The following ADGRV1 variants were observed in gnomAD, a reference collection of about 807,000 sequenced individuals.
ADGRV1 encodes G-protein coupled receptor 98.
ADGRV1 carries 359 observed loss-of-function variants against 596.2 expected under a neutral mutation model. That is an observed-to-expected ratio of 0.60 (90% confidence interval 0.55 to 0.66). ADGRV1 has a LOEUF of 0.66. ADGRV1 is among the 30% of genes least tolerant of loss of function. The probability of loss-of-function intolerance (pLI) is 0.00; values close to 1 mark genes in which losing one functional copy is unlikely to be tolerated. For missense variants in ADGRV1, 7,274 were observed against 7,575.6 expected (o/e 0.96, Z 1.48); for synonymous variants, 2,681 against 2,679.2 (o/e 1.00, Z -0.02).
At chr5:91,120,937 G>A (rs1293081690) in intron 87 of ADGRV1, among the ~76,000 whole-genome samples, 1 of 152,208 alleles carries the variant, frequency 6.6e-6, no homozygotes, top group Non-Finnish European at 1.5e-5. Flanking sequence ...ACTTTGGGAG[G>A]CCAAGGTGGG....
chr5:90,985,638 G>T, intron 85 of ADGRV1, 116 bp downstream of exon 85: 1 of 711,572 alleles, frequency 1.4e-6, no homozygotes, highest in Non-Finnish European at 2.3e-6. Context: ...CTGCCACAGT[G>T]TCTGAAGCTC....
intron 83 of ADGRV1, among the ~76,000 whole-genome samples, chr5:90,912,126 TTTA>T (rs1282359996): frequency 6.6e-6 from 1 of 152,088 alleles, no homozygotes; most frequent in Non-Finnish European, 1.5e-5. Flanking sequence ...ATGAGCTGTT[TTTA>T]TTATCAGTAT....
At chr5:90,789,410 T>C (rs1280522299) in intron 68 of ADGRV1, among the ~76,000 whole-genome samples, 1 of 152,142 alleles carries the variant, frequency 6.6e-6, no homozygotes, top group Non-Finnish European at 1.5e-5. Context: ...AAATATGAGA[T>C]GAATAAAGCG....
intron 83 of ADGRV1, among the ~76,000 whole-genome samples, chr5:90,917,567 A>G (rs1206043412): frequency 6.6e-6 from 1 of 152,240 alleles, no homozygotes; most frequent in African/African-American, 2.4e-5. Flanking sequence ...ACATTCTTCA[A>G]GCTTATATCA....
chr5:91,116,984 C>G (rs1181405825), intron 87 of ADGRV1, among the ~76,000 whole-genome samples: 2 of 152,094 alleles, frequency 1.3e-5, no homozygotes, highest in South Asian at 2.1e-4. Flanking sequence ...CAGAGGAGTA[C>G]TATGCAGAGT....
intron 83 of ADGRV1, among the ~76,000 whole-genome samples, chr5:90,900,405 A>G (rs1418460127): frequency 6.6e-6 from 1 of 152,040 alleles, no homozygotes; most frequent in Non-Finnish European, 1.5e-5. Flanking sequence ...TATCAAAACA[A>G]ATAAATATCT....
intron 84 of ADGRV1, among the ~76,000 whole-genome samples, chr5:90,977,537 A>G (rs920594577): frequency 1.3e-5 from 2 of 152,224 alleles, no homozygotes; most frequent in Non-Finnish European, 2.9e-5. Flanking sequence ...TATTTTACTC[A>G]TATGCTAATA....
At chr5:90,595,315 C>T (rs1435471516) in intron 1 of ADGRV1, among the ~76,000 whole-genome samples, 2 of 62,708 alleles carry the variant, frequency 3.2e-5, no homozygotes, top group Non-Finnish European at 5.9e-5. Flanking sequence ...ACCTCCCAGA[C>T]GGGGCGGCTG....
chr5:90,794,213 A>G (rs1473071891), intron 70 of ADGRV1, among the ~76,000 whole-genome samples: 1 of 152,170 alleles, frequency 6.6e-6, no homozygotes, highest in East Asian at 1.9e-4. Context: ...TCTAACCTGC[A>G]AGTGGGTCTT....
intron 1 of ADGRV1, among the ~76,000 whole-genome samples, chr5:90,575,310 G>T (rs1757058366): frequency 6.6e-6 from 1 of 152,008 alleles, no homozygotes; most frequent in Non-Finnish European, 1.5e-5. Flanking sequence ...CTGGAGTGCA[G>T]TGGCATGATC....
intron 78 of ADGRV1, among the ~76,000 whole-genome samples, chr5:90,843,856 A>G (rs1417356923): frequency 1.3e-5 from 2 of 152,310 alleles, no homozygotes; most frequent in African/African-American, 2.4e-5. Context: ...GAATGCATGA[A>G]ATGTATTTAA....
intron 47 of ADGRV1, 106 bp from the exon 48 acceptor site, chr5:90,725,443 T>G: frequency 1.3e-6 from 1 of 752,586 alleles, no homozygotes; most frequent in Non-Finnish European, 2.2e-6. Context: ...GGTATTAAAA[T>G]TTTTTAAGTC....
At chr5:91,111,990 C>T (rs1209367493) in intron 87 of ADGRV1, among the ~76,000 whole-genome samples, 5 of 152,204 alleles carry the variant, frequency 3.3e-5, no homozygotes, top group African/African-American at 7.2e-5. Context: ...CTCTCTGCCC[C>T]GTGTTCAGTA....
chr5:90,765,767 C>T (rs561510335), intron 59 of ADGRV1, among the ~76,000 whole-genome samples: 6 of 151,826 alleles, frequency 4.0e-5, no homozygotes, highest in Middle Eastern at 3.4e-3. Flanking sequence ...TGCAGTGATG[C>T]GATCATAGCT....
intron 52 of ADGRV1, among the ~76,000 whole-genome samples, chr5:90,748,215 A>G (rs571951936): frequency 1.3e-5 from 2 of 152,268 alleles, no homozygotes; most frequent in South Asian, 4.1e-4. Flanking sequence ...AGTTTACACT[A>G]CTACTCAATC....
chr5:90,618,457 T>G (rs1018111181), intron 3 of ADGRV1, among the ~76,000 whole-genome samples: 9 of 152,190 alleles, frequency 5.9e-5, no homozygotes, highest in Non-Finnish European at 1.2e-4. Context: ...ATTCTGGTTG[T>G]TTTTTCTAAA....
chr5:90,601,523 A>T (rs11745908), intron 1 of ADGRV1, among the ~76,000 whole-genome samples: 10,822 of 152,306 alleles, frequency 0.071, 453 homozygotes, highest in Non-Finnish European at 0.093. Flanking sequence ...ATAAAGATTA[A>T]AAATGAAATT....
At position 90,627,634 on chromosome 5, in the gene ADGRV1, A is replaced by G. The variant is rs866571557; in HGVS notation, c.1096A>G (p.Thr366Ala). The G allele has an allele frequency of 6.2e-7, 1 of 1,613,916 alleles. No individual in the cohort carries two copies. The highest frequency in any genetic ancestry group is 1.7e-5 in the Admixed American group (1 of 60,014). The change falls in exon 7 of 90, where the codon ACC becomes GCC. Residue 366 changes from threonine to alanine, a missense_variant. Coordinates refer to ENST00000405460, the MANE Select transcript of ADGRV1 (RefSeq NM_032119.4). ...ESFHIMLLKD[T>A]LQGDAVLISP... ...GTTTCACATTATGTTACTAAAAGAT[A>G]CCTTACAGGGAGATGCTGTGCTAAT...
chr5:91,120,906 G>T (rs1235964162), intron 87 of ADGRV1, among the ~76,000 whole-genome samples: 1 of 152,130 alleles, frequency 6.6e-6, no homozygotes, highest in South Asian at 2.1e-4. Context: ...AGGCACTATG[G>T]CTCACGCCTG....
Sources: allele counts gnomAD v4.1 joint callset (sites outside exome capture counted in the v4.1 genomes callset), GRCh38; gene constraint gnomAD v4.1.1; transcripts MANE v1.5; gene names NCBI Gene and HGNC (gene_info 2026-07-23, HGNC 2026-07-21).